The following RYK variants were observed in gnomAD, a reference collection of about 807,000 sequenced individuals.
RYK encodes inactive tyrosine-protein kinase RYK.
A neutral mutation model predicts 70.2 loss-of-function variants in RYK; 21 were observed. The ratio of observed to expected loss-of-function variants is 0.30; its 90% CI spans 0.21 to 0.43. The LOEUF is 0.43. Among genes scored for constraint, RYK ranks in the 20% least tolerant of loss-of-function variants. The pLI, the probability that RYK is intolerant of heterozygous loss-of-function variation, is 1.00. For synonymous variants in RYK, 267 were observed against 278.0 expected (o/e 0.96, Z 0.39); for missense variants, 604 against 753.3 (o/e 0.80, Z 2.32).
intron 6 of RYK, among the ~76,000 whole-genome samples, chr3:134,201,227 T>C (rs1300838919): frequency 1.3e-5 from 2 of 152,242 alleles, no homozygotes; most frequent in African/African-American, 2.4e-5. Flanking sequence ...AAACAAATCA[T>C]ATACGTACTT....
intron 13 of RYK, 111 bp downstream of exon 13, chr3:134,175,498 C>T (rs1393671437): frequency 6.9e-6 from 9 of 1,299,358 alleles, no homozygotes; most frequent in African/African-American, 4.5e-5. Flanking sequence ...TAAAAATTTC[C>T]GGGAACAGCT....
intron 13 of RYK, among the ~76,000 whole-genome samples, chr3:134,164,745 T>C (rs2012600851): frequency 6.6e-6 from 1 of 152,274 alleles, no homozygotes; most frequent in African/African-American, 2.4e-5. Flanking sequence ...TGTTTTCATT[T>C]ATCTAAGAGC....
At chr3:134,181,609 G>A (rs908883668) in intron 10 of RYK, 7 of 152,150 alleles carry the variant, frequency 4.6e-5, no homozygotes, top group African/African-American at 1.7e-4. Flanking sequence ...TCAAGGAACT[G>A]TCTAAAGTAT....
chr3:134,216,721 A>G (rs2014562390), intron 2 of RYK, among the ~76,000 whole-genome samples: 1 of 131,574 alleles, frequency 7.6e-6, no homozygotes, highest in Non-Finnish European at 1.5e-5. Context: ...TGAACCCAGG[A>G]GGTGGAGGTT....
At chr3:134,168,613 G>T (rs2012777597) in intron 13 of RYK, among the ~76,000 whole-genome samples, 1 of 9,154 alleles carries the variant, frequency 1.1e-4, no homozygotes, top group South Asian at 8.5e-3. Flanking sequence ...ACACACCGGG[G>T]CCTTCGTAGG....
At chr3:134,238,453 C>T (rs559514873) in intron 1 of RYK, among the ~76,000 whole-genome samples, 19 of 152,150 alleles carry the variant, frequency 1.2e-4, no homozygotes, top group Admixed American at 5.9e-4. Context: ...ATAAATATAC[C>T]CCTTCTTCCC....
chr3:134,158,913 TTATAAC>T (rs1429899644), intron 14 of RYK, among the ~76,000 whole-genome samples: 1 of 152,198 alleles, frequency 6.6e-6, no homozygotes. Context: ...TATAACTACT[TTATAAC>T]TATAAAAGTC....
In RYK at chr3:134,159,919, G is replaced by A. The variant is rs189896649; in HGVS notation, c.1576-546C>T. 1.2e-4 allele frequency among the ~76,000 whole-genome samples: 18 copies of A among 152,336 alleles called. No homozygotes were observed. The East Asian group carries it at 2.3e-3, about 20-fold the overall frequency. On this transcript the variant is annotated intron_variant, in intron 13 of 14. Transcript: ENST00000623711. Reference sequence around the variant, plus strand: ...TAAACTACAGAAAGGAACAGGAATAGTAAACAGTGGCAACAGTGTCCATTC... The same window carrying A: ...TAAACTACAGAAAGGAACAGGAATAATAAACAGTGGCAACAGTGTCCATTC...
At chr3:134,179,510 C>T (rs540242027) in intron 10 of RYK, 1 of 152,198 alleles carries the variant, frequency 6.6e-6, no homozygotes, top group African/African-American at 2.4e-5. Flanking sequence ...ACTTTATATG[C>T]AAGGAAATCC....
At chr3:134,241,844 A>G (rs2107696537) in intron 1 of RYK, among the ~76,000 whole-genome samples, 1 of 152,304 alleles carries the variant, frequency 6.6e-6, no homozygotes, top group South Asian at 2.1e-4. Context: ...AAACAAACAA[A>G]CAAAAAACAG....
intron 2 of RYK, among the ~76,000 whole-genome samples, chr3:134,218,461 A>G (rs980318319): frequency 2.6e-5 from 4 of 152,246 alleles, no homozygotes; most frequent in African/African-American, 9.6e-5. Context: ...CTGTGCAGAC[A>G]GAAAAGGGCA....
intron 1 of RYK, among the ~76,000 whole-genome samples, chr3:134,229,325 T>TC (rs1265917695): frequency 9.4e-5 from 12 of 127,068 alleles, no homozygotes; most frequent in Non-Finnish European, 1.3e-4. Context: ...TCTTTCTCTT[T>TC]CCCCCAACCC....
chr3:134,216,740 C>G (rs974426692), intron 2 of RYK, among the ~76,000 whole-genome samples: 16 of 124,092 alleles, frequency 1.3e-4, no homozygotes, highest in African/African-American at 4.1e-4. Context: ...TTGCAGTGAG[C>G]AGAGAAAGCG....
intron 8 of RYK, 148 bp from the exon 9 acceptor site, chr3:134,189,071 C>T (rs941468769): frequency 4.0e-6 from 2 of 498,648 alleles, no homozygotes; most frequent in East Asian, 3.5e-5. Flanking sequence ...AGACCCAAAT[C>T]TTTGGTTTTA....
chr3:134,216,658 T>C (rs1457013187), intron 2 of RYK, among the ~76,000 whole-genome samples: 1 of 151,600 alleles, frequency 6.6e-6, no homozygotes, highest in African/African-American at 2.4e-5. Flanking sequence ...CTGGGCATGG[T>C]AGCGGGCGCC....
intron 6 of RYK, among the ~76,000 whole-genome samples, chr3:134,201,585 T>TC (rs1275061457): frequency 1.3e-5 from 2 of 152,010 alleles, no homozygotes; most frequent in African/African-American, 2.4e-5. Context: ...AGAAAAGACT[T>TC]CATGAAAGAG....
At chr3:134,197,178 G>C (rs1027362297) in intron 6 of RYK, among the ~76,000 whole-genome samples, 2 of 152,130 alleles carry the variant, frequency 1.3e-5, no homozygotes, top group Non-Finnish European at 2.9e-5. Flanking sequence ...AGATTCATTA[G>C]GCTATCATCT....
At chr3:134,237,120 C>G (rs1053193399) in intron 1 of RYK, among the ~76,000 whole-genome samples, 4 of 152,142 alleles carry the variant, frequency 2.6e-5, no homozygotes, top group Admixed American at 2.6e-4. Flanking sequence ...TCATTTTTCC[C>G]TAGACGATTT....
Position 134,175,777 on chromosome 3 carries a change from T to G in RYK, c.1416-9A>C. 6.2e-7 allele frequency: 1 copy of G among 1,613,528 alleles called. No individual in the cohort carries two copies. The highest frequency in any genetic ancestry group is 1.3e-5 in the African/African-American group (1 of 75,018). On this transcript the variant is annotated splice_polypyrimidine_tract_variant and intron_variant, in intron 12 of 14. Coordinates refer to ENST00000623711, the MANE Select transcript of RYK (RefSeq NM_002958.4). ...GAAGTGTGTCATCAATGCTGAAAAG[T>G]AAAGATATGAACATCAAATGCAATC... is the stretch of plus-strand genomic sequence containing the variant.
Sources: allele counts gnomAD v4.1 joint callset (sites outside exome capture counted in the v4.1 genomes callset), GRCh38; gene constraint gnomAD v4.1.1; transcripts MANE v1.5; gene names NCBI Gene and HGNC (gene_info 2026-07-23, HGNC 2026-07-21).